Variants in PLCB1 observed in about 807,000 individuals in gnomAD.
PLCB1 encodes the protein phospholipase C beta 1.
A neutral mutation model predicts 161.8 loss-of-function variants in PLCB1; 46 were observed. The observed-to-expected ratio is 0.28, with a 90% CI of 0.22 to 0.36. PLCB1 has a LOEUF of 0.36. Ranked by LOEUF, PLCB1 falls within the 10% of genes least tolerant of loss-of-function variation. The pLI is 1.00. For synonymous variants in PLCB1, 517 were observed against 503.7 expected (o/e 1.03, Z -0.35); for missense variants, 1,016 against 1,472.5 (o/e 0.69, Z 5.07).
At chr20:8,797,948 C>A (rs1454035615) in intron 31 of PLCB1, among the ~76,000 whole-genome samples, 1 of 152,190 alleles carries the variant, frequency 6.6e-6, no homozygotes, top group East Asian at 1.9e-4. Flanking sequence ...AATCCCAACA[C>A]TTTGGGAGGC....
rs372276793 is a variant in PLCB1 at position 8,553,875 on chromosome 20, G to T, written c.247-74419G>T. ...CAATTAGCTGGGCATGGTGGTACAT[G>T]CCTGTAGTCCCAGCTACTTGGGAGG... On this transcript the variant is annotated intron_variant, in intron 3 of 31. Transcript: ENST00000338037. Among the ~76,000 whole-genome samples the T allele has an allele frequency of 2.0e-5, 3 of 151,902 alleles. No homozygotes were observed. The South Asian group carries it at 6.2e-4, about 32-fold the overall frequency.
At chr20:8,509,731 TA>T (rs1475473939) in intron 3 of PLCB1, among the ~76,000 whole-genome samples, 84 of 3,864 alleles carry the variant, frequency 0.022, no homozygotes, top group Non-Finnish European at 0.039. Flanking sequence ...AGGCAGATCA[TA>T]GATAGATAGA....
At chr20:8,348,621 G>A (rs1986075808) in intron 2 of PLCB1, among the ~76,000 whole-genome samples, 1 of 152,170 alleles carries the variant, frequency 6.6e-6, no homozygotes, top group African/African-American at 2.4e-5. Context: ...GTGTGATGCA[G>A]GCCTAATGGC....
chr20:8,552,568 T>C (rs1985810632), intron 3 of PLCB1, among the ~76,000 whole-genome samples: 1 of 152,204 alleles, frequency 6.6e-6, no homozygotes, highest in Non-Finnish European at 1.5e-5. Context: ...ATAAAATGCC[T>C]GCTAGTGTAC....
rs1483945896 is a variant in PLCB1 at position 8,150,301 on chromosome 20, C to G, written c.107C>G (p.Thr36Ser). ...TTCTTCTTACATTTCTAGGACTCAA[C>G]TATTGTTACTCCAATTATTTTGAGG... ...TKFVKWDDDS[T>S]IVTPIILRTD... is the part of the protein sequence containing the mutation. The change falls in exon 2 of 32, where the codon ACT becomes AGT. Residue 36 changes from threonine (T) to serine (S), a missense_variant. Transcript: ENST00000338037. 2.0e-6 allele frequency: 3 copies of G among 1,475,328 alleles called. No individual in the cohort carries two copies. The highest frequency in any genetic ancestry group is 2.8e-5 in the African/African-American group (2 of 71,496). The allele number at this position is 1,475,328 out of a possible 1,614,324, so 91.4% of individuals were successfully genotyped here.
intron 3 of PLCB1, among the ~76,000 whole-genome samples, chr20:8,616,366 C>G (rs187157975): frequency 2.9e-3 from 441 of 152,304 alleles, no homozygotes; most frequent in Non-Finnish European, 4.0e-3. Flanking sequence ...GCCTGAAGTG[C>G]TTCTTACTAA....
chr20:8,167,617 C>T (rs527508543), intron 2 of PLCB1, among the ~76,000 whole-genome samples: 2 of 152,060 alleles, frequency 1.3e-5, no homozygotes, highest in African/African-American at 2.4e-5. Context: ...TAGATAGTGA[C>T]GTAGTTGAAT....
Position 8,697,803 on chromosome 20 carries a change from C to T in PLCB1, c.1167+20C>T, listed in dbSNP as rs1052691366. Reference sequence around the variant, plus strand: ...TTCAAGGTAGAGTATATGAATGTTACTAAGAGAGGCAGCTGGAGACACCTG... The same window carrying T: ...TTCAAGGTAGAGTATATGAATGTTATTAAGAGAGGCAGCTGGAGACACCTG... On this transcript the variant is annotated intron_variant, in intron 11 of 31. Coordinates refer to ENST00000338037, the MANE Select transcript of PLCB1 (RefSeq NM_015192.4). 6.2e-6 allele frequency: 10 copies of T among 1,610,446 alleles called. No individual in the cohort carries two copies. Among genetic ancestry groups the T allele is most frequent in the Non-Finnish European group, 8.5e-6 (10 of 1,177,264 alleles).
chr20:8,513,034 T>A, intron 3 of PLCB1, among the ~76,000 whole-genome samples: 1 of 152,184 alleles, frequency 6.6e-6, no homozygotes, highest in East Asian at 1.9e-4. Context: ...ATAAATGAGA[T>A]CATGTAATAT....
chr20:8,317,514 A>AC (rs201481742), intron 2 of PLCB1, among the ~76,000 whole-genome samples: 26 of 151,348 alleles, frequency 1.7e-4, no homozygotes, highest in African/African-American at 4.4e-4. Flanking sequence ...AGTAATTTAC[A>AC]CCCCCCCATC....
chr20:8,749,740 C>T (rs148503333), intron 23 of PLCB1, among the ~76,000 whole-genome samples: 5 of 152,230 alleles, frequency 3.3e-5, no homozygotes, highest in African/African-American at 1.2e-4. Context: ...TGCTGAGTAA[C>T]CTGCTGTTAT....
At chr20:8,159,988 C>CAAAAAAAAA (rs375028388) in intron 2 of PLCB1, among the ~76,000 whole-genome samples, 164 of 78,630 alleles carry the variant, frequency 2.1e-3, no homozygotes, top group Middle Eastern at 0.013. Flanking sequence ...AACTCCATCT[C>CAAAAAAAAA]AAAAAAAAAA....
chr20:8,490,040 C>T (rs1982880654), intron 3 of PLCB1, among the ~76,000 whole-genome samples: 1 of 152,106 alleles, frequency 6.6e-6, no homozygotes, highest in African/African-American at 2.4e-5. Context: ...ATAAAAATGT[C>T]TCAAACTAGG....
intron 2 of PLCB1, among the ~76,000 whole-genome samples, chr20:8,161,101 C>T (rs555500213): frequency 4.6e-5 from 7 of 152,002 alleles, no homozygotes; most frequent in African/African-American, 1.7e-4. Flanking sequence ...GCTGTTTTAT[C>T]CTTGCCAGAC....
intron 3 of PLCB1, among the ~76,000 whole-genome samples, chr20:8,485,136 A>G (rs749656567): frequency 4.6e-5 from 7 of 152,232 alleles, no homozygotes; most frequent in Non-Finnish European, 1.0e-4. Flanking sequence ...GAAAACTGTC[A>G]AACAGAACTT....
At chr20:8,608,181 T>C (rs1987810740) in intron 3 of PLCB1, among the ~76,000 whole-genome samples, 1 of 152,190 alleles carries the variant, frequency 6.6e-6, no homozygotes, top group South Asian at 2.1e-4. Flanking sequence ...ATGTTATTTC[T>C]TTAAAAAATA....
At chr20:8,414,106 C>T (rs1319091702) in intron 3 of PLCB1, among the ~76,000 whole-genome samples, 1 of 151,400 alleles carries the variant, frequency 6.6e-6, no homozygotes, top group African/African-American at 2.4e-5. Flanking sequence ...GTATAATTTT[C>T]ATTGAAAGGT....
At chr20:8,582,183 A>G (rs1485641444) in intron 3 of PLCB1, among the ~76,000 whole-genome samples, 3 of 152,146 alleles carry the variant, frequency 2.0e-5, no homozygotes, top group Non-Finnish European at 4.4e-5. Flanking sequence ...TGTAGATGCT[A>G]TTGGTACCTC....
chr20:8,377,170 G>C (rs1212573628), intron 3 of PLCB1, among the ~76,000 whole-genome samples: 1 of 152,080 alleles, frequency 6.6e-6, no homozygotes, highest in African/African-American at 2.4e-5. Flanking sequence ...CGGGATCGGA[G>C]ACCTGAGAAA....
Sources: gnomAD v4.1 joint callset for allele counts (sites outside exome capture counted in the v4.1 genomes callset) on GRCh38, gnomAD v4.1.1 for gene constraint, MANE v1.5 for transcripts, NCBI Gene and HGNC (gene_info 2026-07-23, HGNC 2026-07-21) for gene names.